VWC2: variants seen among roughly 807,000 people sequenced by gnomAD.
VWC2 encodes brorin.
In VWC2, 14 loss-of-function variants were observed where a neutral mutation model predicts 29.8. The ratio of observed to expected loss-of-function variants is 0.47; its 90% CI spans 0.31 to 0.74. The LOEUF (loss-of-function observed/expected upper bound fraction) is 0.74. Ranked by LOEUF, VWC2 falls within the 30% of genes least tolerant of loss-of-function variation. VWC2 has a pLI of 0.05. For synonymous variants in VWC2, 213 were observed against 199.0 expected (o/e 1.07, Z -0.59); for missense variants, 457 against 459.8 (o/e 0.99, Z 0.05).
chr7:49,794,760 T>C (rs1182106745), intron 2 of VWC2, among the ~76,000 whole-genome samples: 3 of 152,188 alleles, frequency 2.0e-5, no homozygotes, highest in Non-Finnish European at 4.4e-5. Context: ...TGTAGTTCAG[T>C]TCGGCCAGTC....
intron 3 of VWC2, 53 bp downstream of exon 3, chr7:49,802,893 C>A: frequency 6.2e-7 from 1 of 1,610,472 alleles, no homozygotes; most frequent in Admixed American, 1.7e-5. Flanking sequence ...TGATGCACAA[C>A]CCATGTGCTG....
intron 2 of VWC2, among the ~76,000 whole-genome samples, chr7:49,792,866 G>A (rs142477405): frequency 5.7e-4 from 87 of 152,240 alleles, no homozygotes; most frequent in African/African-American, 1.6e-3. Context: ...CTGTGATGTC[G>A]GGCAGTCAGG....
chr7:49,849,571 C>T (rs542233485), intron 3 of VWC2, among the ~76,000 whole-genome samples: 31 of 152,352 alleles, frequency 2.0e-4, no homozygotes, highest in African/African-American at 5.5e-4. Context: ...CACACACACA[C>T]GCTGCCTCTT....
chr7:49,869,625 G>C (rs1304507834), intron 3 of VWC2, among the ~76,000 whole-genome samples: 1 of 152,078 alleles, frequency 6.6e-6, no homozygotes, highest in African/African-American at 2.4e-5. Context: ...TCCTAAAAAA[G>C]GATCTGTTTG....
At position 49,775,401 on chromosome 7, in the gene VWC2, T is replaced by TGGCC; in HGVS notation, c.-35_-34insGGCC. The stretch of plus-strand genomic sequence containing the variant: ...AATGCGACTCGCCCCTCGGCCGCGC[T>TGGCC]CCCCGCCCGCCCGCCCGCCGGGACG... On this transcript the variant is annotated 5_prime_UTR_variant, in exon 2 of 4. It removes the in-frame stop codon of an upstream open reading frame in the 5' UTR. Coordinates refer to ENST00000340652, the MANE Select transcript of VWC2 (RefSeq NM_198570.5). The TGGCC allele has an allele frequency of 9.3e-7, 1 of 1,072,746 alleles. No individual in the cohort carries two copies. Among genetic ancestry groups the TGGCC allele is most frequent in the Non-Finnish European group, 1.2e-6 (1 of 829,172 alleles). The allele number at this position is 1,072,746 out of a possible 1,614,324, so 66.5% of individuals were successfully genotyped here. A position where few individuals can be genotyped will look rare whatever the true frequency, so the allele number is the denominator to read the frequency against.
intron 3 of VWC2, among the ~76,000 whole-genome samples, chr7:49,854,252 A>C (rs1472805485): frequency 6.6e-6 from 1 of 152,210 alleles, no homozygotes; most frequent in Non-Finnish European, 1.5e-5. Context: ...GCTGGGTCAA[A>C]TGGTATTTCT....
intron 3 of VWC2, among the ~76,000 whole-genome samples, chr7:49,874,542 CTA>C (rs200811636): frequency 0.15 from 13,177 of 86,196 alleles, 625 homozygotes; most frequent in Non-Finnish European, 0.17. Flanking sequence ...TGACGCATGA[CTA>C]TATATGTGTG....
At chr7:49,891,540 C>T (rs368574934) in intron 3 of VWC2, among the ~76,000 whole-genome samples, 3 of 152,230 alleles carry the variant, frequency 2.0e-5, no homozygotes, top group East Asian at 3.9e-4. Context: ...AACAATCAGT[C>T]ATCAAGGAAA....
At chr7:49,856,555 C>T (rs1003539158) in intron 3 of VWC2, among the ~76,000 whole-genome samples, 6 of 152,128 alleles carry the variant, frequency 3.9e-5, no homozygotes, top group Admixed American at 3.9e-4. Context: ...TTTCCCCCAC[C>T]AGCTTTATTG....
chr7:49,837,502 G>A lies in VWC2; in HGVS notation c.826+34662G>A, dbSNP rs576114352. ...AGAGGTATCTTTCACTTTGAGTTTT[G>A]CCTTGGAATCCCTGAAGGCCGGGGG... On this transcript the variant is annotated intron_variant, in intron 3 of 3. Transcript: ENST00000340652. Among the ~76,000 whole-genome samples, 3 of 152,234 alleles carry A rather than the reference G, an allele frequency of 2.0e-5. 1 individual carries two copies. The highest frequency in any genetic ancestry group is 7.2e-5 in the African/African-American group (3 of 41,526).
rs953957643 is a variant in VWC2, at chr7:49,916,424, GTT to G, written c.*4240_*4241del. 3.9e-5 allele frequency: 6 copies of G among 152,178 alleles called. No individual in the cohort carries two copies. The highest frequency in any genetic ancestry group is 8.8e-5 in the Non-Finnish European group (6 of 68,036). 9.4% of individuals were successfully genotyped at this position (152,178 alleles called of 1,614,324 possible). A position where few individuals can be genotyped will look rare whatever the true frequency, so the allele number is the denominator to read the frequency against. On this transcript the variant is annotated 3_prime_UTR_variant, in exon 4 of 4. Coordinates refer to ENST00000340652, the MANE Select transcript of VWC2 (RefSeq NM_198570.5). Reference sequence around the variant, plus strand: ...GAGTATTAGCCATTTTCAATGTCCAGTTCAAGTGCCATTGCTGGTAAGGCTTC... The same window carrying G: ...GAGTATTAGCCATTTTCAATGTCCAGCAAGTGCCATTGCTGGTAAGGCTTC...
At chr7:49,892,130 C>T (rs551922352) in intron 3 of VWC2, among the ~76,000 whole-genome samples, 29 of 148,212 alleles carry the variant, frequency 2.0e-4, no homozygotes, top group East Asian at 9.9e-4. Context: ...CTGCAAGCTC[C>T]GCCTCCCGGG....
chr7:49,862,298 GC>G (rs1040987130), intron 3 of VWC2, among the ~76,000 whole-genome samples: 1 of 149,560 alleles, frequency 6.7e-6, no homozygotes, highest in African/African-American at 2.6e-5. Flanking sequence ...TAGAAAAACA[GC>G]CTTTTTTTGT....
intron 3 of VWC2, among the ~76,000 whole-genome samples, chr7:49,882,853 T>C (rs184032143): frequency 6.6e-6 from 1 of 151,562 alleles, no homozygotes; most frequent in East Asian, 1.9e-4. Flanking sequence ...TGTTTTTGGG[T>C]TTTTTTTGTT....
In VWC2 at chr7:49,917,703, T is replaced by G. The variant is rs1354339370; in HGVS notation, c.*5518T>G. 6.6e-6 allele frequency: 1 copy of G among 152,172 alleles called. No individual in the cohort carries two copies. The highest frequency in any genetic ancestry group is 1.5e-5 in the Non-Finnish European group (1 of 68,002). 9.4% of individuals were successfully genotyped at this position (152,172 alleles called of 1,614,324 possible). On this transcript the variant is annotated 3_prime_UTR_variant, in exon 4 of 4. Transcript: ENST00000340652. ...AATTTTATTTGGTATCTAATTATAT[T>G]AAGACCAACATATACATTAAAGTGT...
chr7:49,898,846 A>G lies in VWC2; in HGVS notation c.827-13188A>G, dbSNP rs190749927. The stretch of plus-strand genomic sequence containing the variant: ...CCCTATAAAAAGTAAAAAAGGAAAT[A>G]TACCATGTATGCTAAGAAAGAAGAA... On this transcript the variant is annotated intron_variant, in intron 3 of 3. Transcript: ENST00000340652. Among the ~76,000 whole-genome samples, 75 of 152,272 alleles carry G rather than the reference A, an allele frequency of 4.9e-4. 1 individual carries two copies. The highest frequency in any genetic ancestry group is 1.6e-3 in the African/African-American group (67 of 41,568).
chr7:49,799,832 T>C (rs370778100), intron 2 of VWC2, among the ~76,000 whole-genome samples: 1 of 152,230 alleles, frequency 6.6e-6, no homozygotes, highest in Non-Finnish European at 1.5e-5. Context: ...TTATATGGTA[T>C]AGCCTATTGC....
chr7:49,790,625 G>A (rs1788444787), intron 2 of VWC2, among the ~76,000 whole-genome samples: 1 of 152,034 alleles, frequency 6.6e-6, no homozygotes, highest in South Asian at 2.1e-4. Context: ...GGGGCAGGGA[G>A]CTAGGTGGGG....
chr7:49,781,949 A>T (rs1325889635), intron 2 of VWC2, among the ~76,000 whole-genome samples: 1 of 152,136 alleles, frequency 6.6e-6, no homozygotes, highest in African/African-American at 2.4e-5. Context: ...AGAAGACTAG[A>T]TCCCAAGAGG....
Sources: allele counts gnomAD v4.1 joint callset (sites outside exome capture counted in the v4.1 genomes callset), GRCh38; gene constraint gnomAD v4.1.1; transcripts MANE v1.5; gene names NCBI Gene and HGNC (gene_info 2026-07-23, HGNC 2026-07-21).